The following SIPA1L1 variants were observed in gnomAD, a reference collection of about 807,000 sequenced individuals.
The protein encoded by SIPA1L1 is signal-induced proliferation-associated 1-like protein 1.
In SIPA1L1, 26 loss-of-function variants were observed where a neutral mutation model predicts 162.7. That is an observed-to-expected ratio of 0.16 (90% CI 0.12 to 0.22). SIPA1L1 has a LOEUF of 0.22. Ranked by LOEUF, SIPA1L1 falls within the 10% of genes least tolerant of loss-of-function variation. The pLI is 1.00. For synonymous variants in SIPA1L1, 829 were observed against 837.4 expected (o/e 0.99, Z 0.17); for missense variants, 1,874 against 2,241.0 (o/e 0.84, Z 3.31).
chr14:71,668,392 G>T (rs916926152), intron 10 of SIPA1L1, among the ~76,000 whole-genome samples: 1 of 152,146 alleles, frequency 6.6e-6, no homozygotes, highest in Non-Finnish European at 1.5e-5. Context: ...TTACTTCTCT[G>T]TATCTGTTCC....
rs921157551 is a variant in SIPA1L1, at chr14:71,588,250, C to T, written c.378C>T (p.Ser126=). 6.2e-7 allele frequency: 1 copy of T among 1,614,128 alleles called. No homozygotes were observed. The highest frequency in any genetic ancestry group is 8.5e-7 in the Non-Finnish European group (1 of 1,179,990). ...AGGGAAGTTCTGTTAGCCTCAATTC[C>T]AATGACTCAGCCATGCTGAAAAGCA... ...VSQGSSVSLN[S]NDSAMLKSIQ... Residue 126 remains serine, a synonymous_variant, in exon 5 of 24, where the codon TCC becomes TCT. Coordinates refer to ENST00000381232, the MANE Select transcript of SIPA1L1 (RefSeq NM_001386936.1). The surrounding 1 kb of genome is among the most constrained non-coding windows in gnomAD (Gnocchi z 4.3).
At chr14:71,483,016 A>G (rs2048469285) in intron 2 of SIPA1L1, among the ~76,000 whole-genome samples, 2 of 152,210 alleles carry the variant, frequency 1.3e-5, no homozygotes, top group South Asian at 4.1e-4. Flanking sequence ...GCTGACAGCT[A>G]AGCACAGATA....
chr14:71,687,344 T>C (rs1398021449), intron 13 of SIPA1L1, among the ~76,000 whole-genome samples: 1 of 152,202 alleles, frequency 6.6e-6, no homozygotes, highest in African/African-American at 2.4e-5. Context: ...CAGACTTGGC[T>C]GCCTCTGAGG....
intron 5 of SIPA1L1, among the ~76,000 whole-genome samples, chr14:71,609,654 A>G (rs1329389681): frequency 6.6e-6 from 1 of 151,906 alleles, no homozygotes; most frequent in African/African-American, 2.4e-5. Flanking sequence ...TTTAGTGGAG[A>G]AGGGGTTTCA....
chr14:71,717,852 A>C (rs1388495405), intron 17 of SIPA1L1, among the ~76,000 whole-genome samples: 1 of 152,218 alleles, frequency 6.6e-6, no homozygotes, highest in Admixed American at 6.5e-5. Context: ...ACCCAAAAAA[A>C]CATGAGAATA....
intron 3 of SIPA1L1, among the ~76,000 whole-genome samples, chr14:71,517,100 A>G (rs1048615139): frequency 1.3e-5 from 2 of 151,986 alleles, no homozygotes; most frequent in Admixed American, 1.3e-4. Context: ...AATGACATCT[A>G]TGGTTTTGTT....
chr14:71,707,124 C>T (rs1294775784), intron 16 of SIPA1L1, among the ~76,000 whole-genome samples: 10 of 151,660 alleles, frequency 6.6e-5, no homozygotes, highest in Non-Finnish European at 8.8e-5. Context: ...CCAAAAGACA[C>T]ACACACGCAC....
chr14:71,667,430 G>A (rs773932563), intron 10 of SIPA1L1, among the ~76,000 whole-genome samples: 3 of 152,124 alleles, frequency 2.0e-5, no homozygotes, highest in Admixed American at 6.5e-5. Context: ...GGCTGAGCCC[G>A]GGACATCTTC....
At chr14:71,707,213 T>C (rs557658977) in intron 16 of SIPA1L1, among the ~76,000 whole-genome samples, 17 of 152,196 alleles carry the variant, frequency 1.1e-4, no homozygotes, top group African/African-American at 4.1e-4. Flanking sequence ...CCCGCCTCCC[T>C]CTAATTTAAA....
chr14:71,426,208 T>C (rs978270029), intron 2 of SIPA1L1, among the ~76,000 whole-genome samples: 1 of 152,148 alleles, frequency 6.6e-6, no homozygotes, highest in African/African-American at 2.4e-5. Flanking sequence ...TCTCTGTCTT[T>C]TTTGATTAGA....
intron 2 of SIPA1L1, among the ~76,000 whole-genome samples, chr14:71,415,427 A>G (rs946724136): frequency 2.6e-5 from 4 of 152,188 alleles, no homozygotes; most frequent in African/African-American, 9.7e-5. Flanking sequence ...TATAATAGCA[A>G]CACAACTGAA....
intron 7 of SIPA1L1, 56 bp from the exon 8 acceptor site, chr14:71,650,279 C>A: frequency 6.3e-7 from 1 of 1,583,430 alleles, no homozygotes; most frequent in Non-Finnish European, 8.7e-7. Flanking sequence ...TAGCATTTGA[C>A]TGGGACAAAG....
chr14:71,694,290 T>C (rs1385895113), intron 13 of SIPA1L1, among the ~76,000 whole-genome samples: 1 of 152,152 alleles, frequency 6.6e-6, no homozygotes. Context: ...GTGCGACTGC[T>C]TCTGGAAGAA....
At chr14:71,421,304 T>C (rs542376482) in intron 2 of SIPA1L1, among the ~76,000 whole-genome samples, 1 of 152,206 alleles carries the variant, frequency 6.6e-6, no homozygotes, top group African/African-American at 2.4e-5. Context: ...ATATTTAAAG[T>C]AAATCTGGCC....
chr14:71,605,431 A>G (rs911580152), intron 5 of SIPA1L1, among the ~76,000 whole-genome samples: 8 of 151,966 alleles, frequency 5.3e-5, no homozygotes, highest in Non-Finnish European at 1.0e-4. Context: ...TTAAGATGTC[A>G]TATTTCTTAG....
chr14:71,427,216 A>T (rs1203363103), intron 2 of SIPA1L1, among the ~76,000 whole-genome samples: 1 of 151,032 alleles, frequency 6.6e-6, no homozygotes, highest in African/African-American at 2.4e-5. Flanking sequence ...GACGGGTCTA[A>T]TGGTAGTCAA....
chr14:71,607,722 T>A (rs2037695255), intron 5 of SIPA1L1, among the ~76,000 whole-genome samples: 1 of 152,102 alleles, frequency 6.6e-6, no homozygotes, highest in African/African-American at 2.4e-5. Flanking sequence ...TTCTAAGACT[T>A]TTCAGTTTCT....
intron 2 of SIPA1L1, among the ~76,000 whole-genome samples, chr14:71,476,564 AAT>A (rs1238445068): frequency 6.6e-6 from 1 of 152,178 alleles, no homozygotes; most frequent in Non-Finnish European, 1.5e-5. Context: ...TTAGTCATAA[AAT>A]ATGTTTTTGT....
At chr14:71,365,907 TAAGAGA>T (rs2038247630) in intron 2 of SIPA1L1, among the ~76,000 whole-genome samples, 51 of 139,986 alleles carry the variant, frequency 3.6e-4, no homozygotes, top group South Asian at 1.1e-3. Flanking sequence ...TTTTTTTTTT[TAAGAGA>T]TGGGGTTTTG....
Sources: gnomAD v4.1 joint callset for allele counts (sites outside exome capture counted in the v4.1 genomes callset) on GRCh38, gnomAD v4.1.1 for gene constraint, Gnocchi (gnomAD v3.1) non-coding constraint, MANE v1.5 for transcripts, NCBI Gene and HGNC (gene_info 2026-07-23, HGNC 2026-07-21) for gene names.